Variants in CPNE2 observed in about 807,000 individuals in gnomAD.
CPNE2 encodes copine 2, also known as copine-2.
CPNE2 carries 42 observed loss-of-function variants against 69.7 expected under a neutral mutation model. That is an observed-to-expected ratio of 0.60 (90% CI 0.47 to 0.78). CPNE2 has a LOEUF of 0.78. Among genes scored for constraint, CPNE2 ranks in the 30% least tolerant of loss-of-function variants. CPNE2 has a pLI of 0.00. For missense variants in CPNE2, 587 were observed against 732.0 expected (o/e 0.80, Z 2.29); for synonymous variants, 294 against 289.8 (o/e 1.01, Z -0.15).
intron 1 of CPNE2, chr16:57,093,826 T>G: frequency 3.0e-6 from 1 of 332,834 alleles, no homozygotes; most frequent in Non-Finnish European, 5.9e-6. Context: ...CTTCACGGAC[T>G]GCAGGGAGCC....
intron 10 of CPNE2, chr16:57,125,207 C>G (rs1211199582): frequency 2.2e-6 from 1 of 445,570 alleles, no homozygotes; most frequent in African/African-American, 2.0e-5. Flanking sequence ...GCAGGTAGAG[C>G]CCTAGTCCCT....
rs2069953734 is a variant in CPNE2, at chr16:57,145,916, G to A, written c.1303-169G>A. Reference sequence around the variant, plus strand: ...TTTAGAGCATGAGAGGCCTGCAGGGGTGGGGTGCTGAGAGCAGGACGCATA... The same window carrying A: ...TTTAGAGCATGAGAGGCCTGCAGGGATGGGGTGCTGAGAGCAGGACGCATA... On this transcript the variant is annotated intron_variant, in intron 14 of 15. Coordinates refer to ENST00000290776, the MANE Select transcript of CPNE2 (RefSeq NM_152727.6). The A allele has an allele frequency of 4.3e-5, 27 of 629,184 alleles. No homozygotes were observed. The South Asian group carries it at 5.0e-4, about 12-fold the overall frequency. The allele number at this position is 629,184 out of a possible 1,614,324, so 39.0% of individuals were successfully genotyped here.
In CPNE2 at chr16:57,122,905, C is replaced by CT. The variant is rs34556326; in HGVS notation, c.868-494dup. Among the ~76,000 whole-genome samples, 222 of 145,614 alleles carry CT rather than the reference C, an allele frequency of 1.5e-3. 2 individuals carry two copies. The highest frequency in any genetic ancestry group is 3.5e-3 in the Middle Eastern group (1 of 282). On this transcript the variant is annotated intron_variant, in intron 9 of 15. Coordinates refer to ENST00000290776, the MANE Select transcript of CPNE2 (RefSeq NM_152727.6). ...ACTATACCTGGCCTGTTTCTTTTCT[C>CT]TTTTTTTTTTTTTTTAACTTAAATA...
Position 57,134,967 on chromosome 16 carries a change from G to A in CPNE2, c.1168+141G>A, listed in dbSNP as rs1207737019. ...TACTGTTGCTCAGAGTGACAGAGGG[G>A]GAAGAGCTGCAGTTTGGAGTCAGAT... On this transcript the variant is annotated intron_variant, in intron 13 of 15. Transcript: ENST00000290776. 6.5e-6 allele frequency: 6 copies of A among 920,794 alleles called. No homozygotes were observed. In the Admixed American group the frequency reaches 1.4e-4, roughly 22 times the overall value. The allele number at this position is 920,794 out of a possible 1,614,324, so 57.0% of individuals were successfully genotyped here.
At chr16:57,121,875 C>T (rs1260653209) in intron 9 of CPNE2, 115 bp downstream of exon 9, 11 of 932,094 alleles carry the variant, frequency 1.2e-5, no homozygotes, top group African/African-American at 4.9e-5. Flanking sequence ...CCGGCTCTGC[C>T]ACATCCTGGC....
At chr16:57,110,597 GC>G (rs768765828) in intron 1 of CPNE2, 110 bp from the exon 2 acceptor site, 6 of 575,110 alleles carry the variant, frequency 1.0e-5, no homozygotes, top group Non-Finnish European at 1.7e-5. Flanking sequence ...GCCTCAATTT[GC>G]CTTCCATCTC....
intron 13 of CPNE2, among the ~76,000 whole-genome samples, chr16:57,135,089 G>A (rs775538214): frequency 6.6e-6 from 1 of 152,158 alleles, no homozygotes; most frequent in Non-Finnish European, 1.5e-5. Flanking sequence ...CCTGCTCCAG[G>A]ATAACTATGA....
intron 5 of CPNE2, 72 bp from the exon 6 acceptor site, chr16:57,119,122 AG>A (rs1426588364): frequency 7.6e-7 from 1 of 1,320,724 alleles, no homozygotes; most frequent in African/African-American, 1.4e-5. Context: ...GGGAGGCAGC[AG>A]GGCCACACCC....
Position 57,119,569 on chromosome 16 carries a change from G to C in CPNE2, c.600G>C (p.Lys200Asn). 6.2e-7 allele frequency: 1 copy of C among 1,612,352 alleles called. No homozygotes were observed. Among genetic ancestry groups the C allele is most frequent in the Non-Finnish European group, 8.5e-7 (1 of 1,179,144 alleles). ...WMLVHRTEVI[K>N]YTLDPVWKPF... is the part of the protein sequence containing the mutation. ...CCCTCTCTGTCCCACAGGTGATCAA[G>C]TACACACTGGACCCTGTGTGGAAGC... Residue 200 changes from lysine to asparagine, a missense_variant, in exon 7 of 16, where the codon AAG (lysine) becomes AAC (asparagine). This residue lies in a region of CPNE2 where 269 missense variants were observed against 300.5 expected (regional missense o/e 0.90). Transcript: ENST00000290776.
At chr16:57,110,970 G>C in intron 2 of CPNE2, 48 bp downstream of exon 2, 3 of 1,551,200 alleles carry the variant, frequency 1.9e-6, no homozygotes, top group Non-Finnish European at 2.6e-6. Flanking sequence ...TGGCTAGGCT[G>C]CTGGGGAGGG....
chr16:57,093,118 G>A (rs974046224), intron 1 of CPNE2, among the ~76,000 whole-genome samples: 1 of 152,028 alleles, frequency 6.6e-6, no homozygotes, highest in Non-Finnish European at 1.5e-5. Context: ...GAGGGCGTAC[G>A]GGAGGTGGAG....
chr16:57,114,147 G>T (rs2069700660), intron 3 of CPNE2, among the ~76,000 whole-genome samples: 1 of 152,200 alleles, frequency 6.6e-6, no homozygotes, highest in African/African-American at 2.4e-5. Context: ...TGCCATGGTT[G>T]TGATGTCTAC....
chr16:57,128,775 C>T (rs1486647777), intron 12 of CPNE2, among the ~76,000 whole-genome samples: 4 of 152,188 alleles, frequency 2.6e-5, no homozygotes, highest in African/African-American at 9.7e-5. Flanking sequence ...TGTGTGGAGT[C>T]CTCAGTGTCT....
chr16:57,147,831 G>A lies in CPNE2; in HGVS notation c.*173G>A. ...CAGCCCAGCTGGGCTTCCTTTGTTG[G>A]AGTCAACTGTTGATGCTTCCAGGCC... On this transcript the variant is annotated 3_prime_UTR_variant, in exon 16 of 16. Transcript: ENST00000290776. The A allele has an allele frequency of 2.2e-6, 1 of 445,450 alleles. No homozygotes were observed. Among genetic ancestry groups the A allele is most frequent in the Non-Finnish European group, 4.0e-6 (1 of 252,266 alleles). The allele number at this position is 445,450 out of a possible 1,614,324, so 27.6% of individuals were successfully genotyped here. A position where few individuals can be genotyped will look rare whatever the true frequency, so the allele number is the denominator to read the frequency against.
At chr16:57,100,431 C>T (rs143700610) in intron 1 of CPNE2, among the ~76,000 whole-genome samples, 106 of 152,340 alleles carry the variant, frequency 7.0e-4, no homozygotes, top group Non-Finnish European at 1.1e-3. Flanking sequence ...AGCCGAAAGC[C>T]ATGGAGAGGT....
At chr16:57,119,507 C>A in intron 6 of CPNE2, 54 bp from the exon 7 acceptor site, 1 of 1,500,208 alleles carries the variant, frequency 6.7e-7, no homozygotes, top group Non-Finnish European at 9.2e-7. Context: ...TGACCCAACC[C>A]CAGAGCACTG....
At chr16:57,102,965 T>C (rs2069624563) in intron 1 of CPNE2, among the ~76,000 whole-genome samples, 1 of 152,030 alleles carries the variant, frequency 6.6e-6, no homozygotes. Context: ...TCCCCCAAAT[T>C]TTTTATCTAC....
At chr16:57,135,388 G>A (rs1308868962) in intron 13 of CPNE2, among the ~76,000 whole-genome samples, 4 of 152,204 alleles carry the variant, frequency 2.6e-5, no homozygotes, top group African/African-American at 9.7e-5. Context: ...ACTATTAGAG[G>A]CCGGATGCTG....
intron 4 of CPNE2, among the ~76,000 whole-genome samples, 162 bp from the exon 5 acceptor site, chr16:57,117,334 A>T (rs1021418725): frequency 1.3e-5 from 2 of 152,122 alleles, no homozygotes; most frequent in East Asian, 1.9e-4. Context: ...GAAGATGGAA[A>T]CTGAGGTGTG....
Sources: gnomAD v4.1 joint callset for allele counts (sites outside exome capture counted in the v4.1 genomes callset) on GRCh38, gnomAD v4.1.1 for gene constraint, gnomAD v4.1.1 regional missense constraint, MANE v1.5 for transcripts, NCBI Gene and HGNC (gene_info 2026-07-23, HGNC 2026-07-21) for gene names.